LARGE1: variants seen among roughly 807,000 people sequenced by gnomAD.
The protein encoded by LARGE1 is xylosyl- and glucuronyltransferase LARGE1.
Under a neutral mutation model 87.6 loss-of-function variants are expected in LARGE1, and 43 were observed. The observed-to-expected ratio is 0.49, with a 90% CI of 0.38 to 0.63. The LOEUF is 0.63. Ranked by LOEUF, LARGE1 falls within the 30% of genes least tolerant of loss-of-function variation. The probability of loss-of-function intolerance (pLI) is 0.00; values close to 1 mark genes in which losing one functional copy is unlikely to be tolerated. For missense variants in LARGE1, 802 were observed against 1,000.2 expected, an observed-to-expected ratio of 0.80 and a Z score of 2.67; for synonymous variants, 434 against 394.6, an observed-to-expected ratio of 1.10 and a Z score of -1.18.
chr22:33,455,366 G>C (rs2068090261), intron 6 of LARGE1, among the ~76,000 whole-genome samples: 1 of 152,108 alleles, frequency 6.6e-6, no homozygotes, highest in African/African-American at 2.4e-5. Context: ...TCTTACCATT[G>C]AGAACTCTAA....
chr22:33,702,431 G>A (rs240082), intron 2 of LARGE1, among the ~76,000 whole-genome samples: 144,523 of 152,310 alleles, frequency 0.95, 68,644 homozygotes, highest in African/African-American at 0.99. Context: ...GGGCCTTGCC[G>A]AGAAATAGAA....
At chr22:33,773,110 C>T (rs187324890) in intron 1 of LARGE1, among the ~76,000 whole-genome samples, 4 of 152,282 alleles carry the variant, frequency 2.6e-5, no homozygotes, top group Admixed American at 6.5e-5. Context: ...TTCTCTCCTT[C>T]TCCCTGCTCC....
At chr22:33,814,514 A>G (rs968635326) in intron 1 of LARGE1, among the ~76,000 whole-genome samples, 2 of 152,178 alleles carry the variant, frequency 1.3e-5, no homozygotes, top group Non-Finnish European at 2.9e-5. Context: ...TAAGTAAAAG[A>G]GTCTATCCTC....
intron 2 of LARGE1, chr22:33,724,103 C>T (rs73170549): frequency 0.035 from 5,377 of 153,228 alleles, 113 homozygotes; most frequent in African/African-American, 0.052. Context: ...GCAGGCAGGA[C>T]GCCCAGTGAG....
the LARGE1 span, among the ~76,000 whole-genome samples, chr22:33,150,254 T>C: frequency 6.6e-6 from 1 of 152,152 alleles, no homozygotes; most frequent in African/African-American, 2.4e-5. Context: ...ATAGTTATAT[T>C]TCTTCCCTGC....
At chr22:33,373,972 C>CTAAAAA (rs2064910094) in intron 9 of LARGE1, among the ~76,000 whole-genome samples, 1 of 59,536 alleles carries the variant, frequency 1.7e-5, no homozygotes, top group African/African-American at 6.9e-5. Flanking sequence ...GACTCCGTCT[C>CTAAAAA]AAAAAAAAAA....
chr22:33,272,664 T>C lies in LARGE1; in HGVS notation c.*1763A>G, dbSNP rs748338137. On this transcript the variant is annotated 3_prime_UTR_variant, in exon 15 of 15. Coordinates refer to ENST00000397394, the MANE Select transcript of LARGE1 (RefSeq NM_133642.5). ...ATGCAAAAATTAGTCCTAATGGTAA[T>C]TTTCCTAATTCTTGTATAAATTTCC... 3.3e-5 allele frequency among the ~76,000 whole-genome samples: 5 copies of C among 152,230 alleles called. No homozygotes were observed. The highest frequency in any genetic ancestry group is 1.3e-4 in the Admixed American group (2 of 15,282).
At chr22:33,109,986 C>G in the LARGE1 span, among the ~76,000 whole-genome samples, 1,540 of 152,308 alleles carry the variant, frequency 0.01, 23 homozygotes, top group African/African-American at 0.034. Flanking sequence ...CTCTGTAAAT[C>G]ACCCAGTCTC....
At chr22:33,459,272 A>G (rs146081340) in intron 6 of LARGE1, among the ~76,000 whole-genome samples, 16 of 152,232 alleles carry the variant, frequency 1.1e-4, no homozygotes, top group Admixed American at 8.5e-4. Flanking sequence ...CATGCTGCTA[A>G]TAAGTTGTAG....
At chr22:33,251,210 T>C (rs1007034155) in intron 11 of LARGE1, among the ~76,000 whole-genome samples, 5 of 152,228 alleles carry the variant, frequency 3.3e-5, no homozygotes, top group Non-Finnish European at 5.9e-5. Flanking sequence ...TAAGATAGAC[T>C]ACTCTGTTCT....
intron 2 of LARGE1, among the ~76,000 whole-genome samples, chr22:33,730,157 T>G (rs939940878): frequency 6.6e-6 from 1 of 152,198 alleles, no homozygotes; most frequent in Non-Finnish European, 1.5e-5. Flanking sequence ...CTCCTCAGCC[T>G]ACTCAACATG....
At chr22:33,104,963 CTCTTTCTTTCTT>C in the LARGE1 span, among the ~76,000 whole-genome samples, 6 of 140,570 alleles carry the variant, frequency 4.3e-5, no homozygotes, top group Admixed American at 2.2e-4. Context: ...CTCTCTTTCT[CTCTTTCTTTCTT>C]TCTTTTTCTT....
intron 1 of LARGE1, among the ~76,000 whole-genome samples, chr22:33,833,477 G>A (rs1340839561): frequency 6.6e-6 from 1 of 152,138 alleles, no homozygotes. Flanking sequence ...CAGGAAGACA[G>A]CCTTCCACAA....
At chr22:33,313,031 C>G (rs1172886022) in intron 11 of LARGE1, among the ~76,000 whole-genome samples, 1 of 152,114 alleles carries the variant, frequency 6.6e-6, no homozygotes, top group Non-Finnish European at 1.5e-5. Context: ...TGGAGACACA[C>G]AGGATGCCAG....
intron 1 of LARGE1, among the ~76,000 whole-genome samples, chr22:33,865,671 G>A (rs778358211): frequency 2.6e-5 from 4 of 151,968 alleles, no homozygotes; most frequent in Non-Finnish European, 4.4e-5. Flanking sequence ...GCATCCTTGG[G>A]GAGAATCCAG....
At chr22:33,677,215 G>C (rs542159570) in intron 2 of LARGE1, among the ~76,000 whole-genome samples, 1 of 151,120 alleles carries the variant, frequency 6.6e-6, no homozygotes, top group Admixed American at 6.6e-5. Context: ...TGAAAAAGAC[G>C]GGGGAGGATA....
Position 33,430,335 on chromosome 22 carries a change from T to A in LARGE1, c.892+1826A>T, listed in dbSNP as rs724775. On this transcript the variant is annotated intron_variant, in intron 7 of 14. Coordinates refer to ENST00000397394, the MANE Select transcript of LARGE1 (RefSeq NM_133642.5). ...ATACTCAGCTGATACGTAGAGGCCC[T>A]GCCTTACCCATTATTGAAAAGAGTG... is the stretch of plus-strand genomic sequence containing the variant. 4.0e-4 allele frequency among the ~76,000 whole-genome samples: 61 copies of A among 152,226 alleles called. 1 individual carries two copies. The East Asian group carries it at 0.012, about 29-fold the overall frequency.
chr22:33,675,439 G>C (rs1474801973), intron 2 of LARGE1, among the ~76,000 whole-genome samples: 1 of 152,016 alleles, frequency 6.6e-6, no homozygotes, highest in Non-Finnish European at 1.5e-5. Flanking sequence ...CTGGGAAGTA[G>C]GGCATAGACT....
chr22:33,415,791 A>T (rs576756734), intron 7 of LARGE1, among the ~76,000 whole-genome samples: 2 of 152,232 alleles, frequency 1.3e-5, no homozygotes, highest in South Asian at 4.1e-4. Context: ...CAGGGTCAAG[A>T]CATAAATGGA....
Sources: gnomAD v4.1 joint callset for allele counts (sites outside exome capture counted in the v4.1 genomes callset) on GRCh38, gnomAD v4.1.1 for gene constraint, MANE v1.5 for transcripts, NCBI Gene and HGNC (gene_info 2026-07-23, HGNC 2026-07-21) for gene names.